Variants in TMEM130 observed in about 807,000 individuals in gnomAD.
TMEM130 encodes the protein transmembrane protein 130.
Under a neutral mutation model 42.9 loss-of-function variants are expected in TMEM130, and 37 were observed. The ratio of observed to expected loss-of-function variants is 0.86; its 90% confidence interval spans 0.66 to 1.13. TMEM130 has a LOEUF of 1.13. TMEM130 is among the 50% of genes most tolerant of loss of function. The pLI, the probability that TMEM130 is intolerant of heterozygous loss-of-function variation, is 0.00. For synonymous variants in TMEM130, 259 were observed against 237.7 expected, an observed-to-expected ratio of 1.09 and a Z score of -0.82; for missense variants, 545 against 562.6, an observed-to-expected ratio of 0.97 and a Z score of 0.32.
chr7:98,850,273 A>ATATTTTTTTTTTTTTTTTTTTTT, intron 6 of TMEM130, among the ~76,000 whole-genome samples: 2 of 35,452 alleles, frequency 5.6e-5, no homozygotes, highest in Non-Finnish European at 1.3e-4. Context: ...ATATATATAT[A>ATATTTTTTTTTTTTTTTTTTTTT]TTTTTTTTTT....
In TMEM130 at chr7:98,851,538, T is replaced by C. The variant is rs1794505356; in HGVS notation, c.889A>G (p.Thr297Ala). The change falls in exon 6 of 8, where the codon ACA (threonine) becomes GCA (alanine). Residue 297 changes from threonine to alanine, a missense_variant. Coordinates refer to ENST00000339375, the MANE Select transcript of TMEM130 (RefSeq NM_152913.3). ...AAGGTGTGGGTCAGGTTGTACGCTG[T>C]GCTGGCCACGGACACAGGGTGGCAC... ...GECHPVSVASTAYNLTHTFRD... is the reference protein window; with the variant it reads ...GECHPVSVASAAYNLTHTFRD... 2 of 1,614,104 alleles carry C rather than the reference T, an allele frequency of 1.2e-6. No homozygotes were observed. The highest frequency in any genetic ancestry group is 1.7e-6 in the Non-Finnish European group (2 of 1,180,028).
Position 98,869,922 on chromosome 7 carries a change from A to G in TMEM130, c.-61T>C. On this transcript the variant is annotated 5_prime_UTR_variant, in exon 1 of 8. Coordinates refer to ENST00000339375, the MANE Select transcript of TMEM130 (RefSeq NM_152913.3). This position sits in a 1 kb window ranked among gnomAD's most constrained non-coding sequence, Gnocchi z 4.7. ...GCGGAGGGAATGCAGCTGGAGCTCG[A>G]GAACTGCGGCGGTCGCTCCTCCGGG... 8.4e-7 allele frequency: 1 copy of G among 1,187,930 alleles called. No homozygotes were observed. 73.6% of individuals were successfully genotyped at this position (1,187,930 alleles called of 1,614,324 possible).
rs200698034 is a variant in TMEM130 at position 98,863,387 on chromosome 7, G to A, written c.99C>T (p.Leu33=). The change falls in exon 2 of 8, where the codon CTC becomes CTT. Residue 33 remains leucine, a synonymous_variant. Transcript: ENST00000339375. ...PAGVAAGLYE[L]NLTTDSPATT... Reference sequence around the variant, plus strand: ...TGGCAGGGCTATCGGTGGTGAGATTGAGTTCATACAGGCCTAGGAGCCCAG... The same window carrying A: ...TGGCAGGGCTATCGGTGGTGAGATTAAGTTCATACAGGCCTAGGAGCCCAG... The A allele has an allele frequency of 3.1e-4, 494 of 1,592,612 alleles. 1 individual carries two copies. The highest frequency in any genetic ancestry group is 2.3e-3 in the Middle Eastern group (14 of 6,022).
intron 3 of TMEM130, among the ~76,000 whole-genome samples, chr7:98,857,643 TG>T (rs1794664255): frequency 6.7e-6 from 1 of 150,148 alleles, no homozygotes; most frequent in Non-Finnish European, 1.5e-5. Flanking sequence ...GAGGTTGCAG[TG>T]AGCAGTGATC....
chr7:98,855,227 G>C lies in TMEM130; in HGVS notation c.803+13C>G. ...CCACGGGGCACCCCCAGTGCGCTCT[G>C]GAGCTCACTTACCTCCCCAGGAAGT... is the stretch of plus-strand genomic sequence containing the variant. On this transcript the variant is annotated intron_variant, in intron 5 of 7. Transcript: ENST00000339375. The C allele has an allele frequency of 6.2e-7, 1 of 1,610,880 alleles. No homozygotes were observed. Among genetic ancestry groups the C allele is most frequent in the East Asian group, 2.2e-5 (1 of 44,820 alleles).
At chr7:98,861,511 T>C (rs1554399785) in intron 2 of TMEM130, among the ~76,000 whole-genome samples, 1 of 151,964 alleles carries the variant, frequency 6.6e-6, no homozygotes, top group African/African-American at 2.4e-5. Context: ...GGCCAGGAGT[T>C]TGAGACCAGC....
At position 98,869,849 on chromosome 7, in the gene TMEM130, C is replaced by T. The variant is rs1554401116; in HGVS notation, c.13G>A (p.Val5Met). The T allele has an allele frequency of 7.1e-7, 1 of 1,401,564 alleles. No homozygotes were observed. The highest frequency in any genetic ancestry group is 2.8e-5 in the Admixed American group (1 of 35,234). 86.8% of individuals were successfully genotyped at this position (1,401,564 alleles called of 1,614,324 possible). Reference sequence around the variant, plus strand: ...AGGATGCGGCCGAGGCGCGACCACACTGCCTGGGCCATTGCGGGGCCCGGA... The same window carrying T: ...AGGATGCGGCCGAGGCGCGACCACATTGCCTGGGCCATTGCGGGGCCCGGA... MAQA[V>M]WSRLGRILWL... is the part of the protein sequence containing the mutation. The change falls in exon 1 of 8, where the codon GTG becomes ATG. Residue 5 changes from valine (V) to methionine (M), a missense_variant. Val to Met is a conservative substitution (Grantham distance 21). Coordinates refer to ENST00000339375, the MANE Select transcript of TMEM130 (RefSeq NM_152913.3). The surrounding 1 kb of genome is among the most constrained non-coding windows in gnomAD (Gnocchi z 4.7).
intron 1 of TMEM130, among the ~76,000 whole-genome samples, chr7:98,868,035 C>T (rs2116146072): frequency 6.6e-6 from 1 of 152,286 alleles, no homozygotes; most frequent in Admixed American, 6.5e-5. Context: ...TCGAGACCAG[C>T]CTGGCCAACA....
chr7:98,856,717 G>A lies in TMEM130; in HGVS notation c.552-534C>T, dbSNP rs552945421. Among the ~76,000 whole-genome samples, 76 of 152,020 alleles carry A rather than the reference G, an allele frequency of 5.0e-4. 1 individual carries two copies. The highest frequency in any genetic ancestry group is 1.8e-3 in the African/African-American group (73 of 41,478). On this transcript the variant is annotated intron_variant, in intron 3 of 7. Transcript: ENST00000339375. Reference sequence around the variant, plus strand: ...TTACTATGTTGCCCAGGCTGGTCTTGAACTCCTGCGCTCAAGTGATCCTCT... The same window carrying A: ...TTACTATGTTGCCCAGGCTGGTCTTAAACTCCTGCGCTCAAGTGATCCTCT...
At chr7:98,864,398 G>A (rs77816093) in intron 1 of TMEM130, among the ~76,000 whole-genome samples, 1 of 49,718 alleles carries the variant, frequency 2.0e-5, no homozygotes, top group South Asian at 5.3e-4. Flanking sequence ...TTTTTTTTTT[G>A]TAGAGACAGG....
intron 7 of TMEM130, 60 bp downstream of exon 7, chr7:98,848,523 T>A: frequency 1.6e-6 from 2 of 1,242,850 alleles, no homozygotes; most frequent in South Asian, 2.4e-5. Flanking sequence ...CCATACCCTC[T>A]CTAAACATCC....
intron 6 of TMEM130, among the ~76,000 whole-genome samples, chr7:98,850,207 A>ACT (rs558366010): frequency 3.0e-3 from 353 of 116,294 alleles, no homozygotes; most frequent in African/African-American, 0.011. Context: ...GGCACACGCC[A>ACT]CTCTCTCTCT....
chr7:98,869,719 G>C lies in TMEM130; in HGVS notation c.85+58C>G, dbSNP rs1197242955. ...CCCGGGCCCACTCGCCCGCTGAGACGGTTCCAGGCCCCGGGCGGGCTGCGG... is the reference window on the plus strand; with the variant it reads ...CCCGGGCCCACTCGCCCGCTGAGACCGTTCCAGGCCCCGGGCGGGCTGCGG... On this transcript the variant is annotated intron_variant, in intron 1 of 7. Coordinates refer to ENST00000339375, the MANE Select transcript of TMEM130 (RefSeq NM_152913.3). This position sits in a 1 kb window ranked among gnomAD's most constrained non-coding sequence, Gnocchi z 4.7. The C allele has an allele frequency of 7.9e-7, 1 of 1,265,716 alleles. No homozygotes were observed. Among genetic ancestry groups the C allele is most frequent in the Non-Finnish European group, 1.0e-6 (1 of 980,022 alleles). 78.4% of individuals were successfully genotyped at this position (1,265,716 alleles called of 1,614,324 possible).
At position 98,851,601 on chromosome 7, in the gene TMEM130, G is replaced by A. The variant is rs370041271; in HGVS notation, c.826C>T (p.Arg276Cys). The A allele has an allele frequency of 2.0e-5, 32 of 1,612,758 alleles. No homozygotes were observed. Among genetic ancestry groups the A allele is most frequent in the Middle Eastern group, 1.6e-4 (1 of 6,062 alleles). ...AGCGGGAGGCACTCAGGCTTGAGAC[G>A]CCAGCACACAGTCAGAGGAGGGCTG... is the stretch of plus-strand genomic sequence containing the variant. ...LGSPPLTVCWRLKPECLPLEE... is the reference protein window; with the variant it reads ...LGSPPLTVCWCLKPECLPLEE... The change falls in exon 6 of 8, where the codon CGT (arginine) becomes TGT (cysteine). Residue 276 changes from arginine to cysteine, a missense_variant. Transcript: ENST00000339375.
At chr7:98,854,089 G>A (rs1358719294) in intron 5 of TMEM130, among the ~76,000 whole-genome samples, 2 of 147,190 alleles carry the variant, frequency 1.4e-5, no homozygotes, top group Non-Finnish European at 3.0e-5. Context: ...CCAGGCTGGA[G>A]TGCAATGGCG....
Position 98,860,357 on chromosome 7 carries a change from C to T in TMEM130, c.392-19G>A, listed in dbSNP as rs781902915. 2.8e-5 allele frequency: 44 copies of T among 1,567,750 alleles called. No homozygotes were observed. The highest frequency in any genetic ancestry group is 1.7e-4 in the Middle Eastern group (1 of 5,812). ...AGGAACTCTGGGAGAGAGAGAGACA[C>T]GGGAGGGTGAGTCTTGGAGATTCAG... On this transcript the variant is annotated intron_variant, in intron 2 of 7. Coordinates refer to ENST00000339375, the MANE Select transcript of TMEM130 (RefSeq NM_152913.3).
At position 98,862,568 on chromosome 7, in the gene TMEM130, G is replaced by A. The variant is rs573372944; in HGVS notation, c.391+527C>T. On this transcript the variant is annotated intron_variant, in intron 2 of 7. Transcript: ENST00000339375. ...GGCTGGAGTGCAGTGGCACGTTCTC[G>A]GCTCACTGCAACCTCTGCCCCCCAG... is the stretch of plus-strand genomic sequence containing the variant. Among the ~76,000 whole-genome samples, 202 of 127,594 alleles carry A rather than the reference G, an allele frequency of 1.6e-3. 1 individual carries two copies. Among genetic ancestry groups the A allele is most frequent in the Non-Finnish European group, 2.5e-3 (164 of 64,964 alleles). The allele number at this position is 127,594 out of a possible 152,430, so 83.7% of individuals were successfully genotyped here. A position where few individuals can be genotyped will look rare whatever the true frequency, so the allele number is the denominator to read the frequency against.
At chr7:98,861,762 G>C (rs1356324385) in intron 2 of TMEM130, among the ~76,000 whole-genome samples, 1 of 152,082 alleles carries the variant, frequency 6.6e-6, no homozygotes, top group Non-Finnish European at 1.5e-5. Context: ...GAAAGAAAAA[G>C]GCATGCTCAA....
chr7:98,858,976 C>G (rs1584240413), intron 3 of TMEM130, among the ~76,000 whole-genome samples: 1 of 75,552 alleles, frequency 1.3e-5, no homozygotes, highest in African/African-American at 5.6e-5. Context: ...GGAAGGAAGA[C>G]AGGGAGGGAG....
Sources: allele counts gnomAD v4.1 joint callset (sites outside exome capture counted in the v4.1 genomes callset), GRCh38; gene constraint gnomAD v4.1.1; non-coding constraint Gnocchi (gnomAD v3.1); transcripts MANE v1.5; gene names NCBI Gene and HGNC (gene_info 2026-07-23, HGNC 2026-07-21).